The following ATG7 variants were observed in gnomAD, a reference collection of about 807,000 sequenced individuals.
ATG7 encodes ubiquitin-like modifier-activating enzyme ATG7.
A neutral mutation model predicts 82.4 loss-of-function variants in ATG7; 70 were observed. The observed-to-expected ratio is 0.85, with a 90% confidence interval of 0.70 to 1.04. The LOEUF (loss-of-function observed/expected upper bound fraction) is 1.04. Ranked by LOEUF, ATG7 falls within the 50% of genes least tolerant of loss-of-function variation. The pLI is 0.00. For synonymous variants in ATG7, 287 were observed against 313.0 expected, an observed-to-expected ratio of 0.92 and a Z score of 0.88; for missense variants, 792 against 864.3, an observed-to-expected ratio of 0.92 and a Z score of 1.05.
At chr3:11,396,560 C>T (rs928296306) in intron 19 of ATG7, among the ~76,000 whole-genome samples, 12 of 151,838 alleles carry the variant, frequency 7.9e-5, no homozygotes, top group Non-Finnish European at 1.0e-4. Context: ...GCGGATCACT[C>T]GAAGTCAGGA....
chr3:11,289,266 A>T (rs1443499754), intron 3 of ATG7, among the ~76,000 whole-genome samples: 2 of 152,218 alleles, frequency 1.3e-5, no homozygotes, highest in African/African-American at 4.8e-5. Context: ...TTAGTGACAC[A>T]TGAATAACTC....
intron 17 of ATG7, 123 bp from the exon 18 acceptor site, chr3:11,364,536 T>TA: frequency 9.3e-7 from 1 of 1,073,852 alleles, no homozygotes; most frequent in Non-Finnish European, 1.4e-6. Flanking sequence ...TTTGCTAACT[T>TA]ACACTGCCCA....
chr3:11,440,700 T>TTTTTTTTTG (rs56194256), intron 20 of ATG7, among the ~76,000 whole-genome samples: 1 of 134,278 alleles, frequency 7.4e-6, no homozygotes, highest in Non-Finnish European at 1.6e-5. Context: ...TTTTTTTTTT[T>TTTTTTTTTG]GAGACGGACT....
At chr3:11,390,689 G>A (rs2078729078) in intron 19 of ATG7, among the ~76,000 whole-genome samples, 1 of 150,686 alleles carries the variant, frequency 6.6e-6, no homozygotes, top group Non-Finnish European at 1.5e-5. Context: ...TTTTTTTCCA[G>A]AAAGTAATTT....
At chr3:11,519,754 G>A (rs557584297) in intron 20 of ATG7, among the ~76,000 whole-genome samples, 8 of 151,650 alleles carry the variant, frequency 5.3e-5, no homozygotes, top group African/African-American at 1.9e-4. Context: ...GTAGAGACGG[G>A]GTTTCACAGT....
At chr3:11,380,474 G>T (rs966789309) in intron 19 of ATG7, among the ~76,000 whole-genome samples, 4 of 152,190 alleles carry the variant, frequency 2.6e-5, no homozygotes, top group Non-Finnish European at 5.9e-5. Context: ...AAAGTAAACA[G>T]AGATTAGGGG....
In ATG7 at chr3:11,546,563, T is replaced by A. The variant is rs2071308931; in HGVS notation, c.2080-8248T>A. Among the ~76,000 whole-genome samples, 3 of 152,342 alleles carry A rather than the reference T, an allele frequency of 2.0e-5. No individual in the cohort carries two copies. In the South Asian group the frequency reaches 6.2e-4, roughly 32 times the overall value. ...ATTCCCAAGGTAATTACAGTGTTTA[T>A]AAAAGAAGAACCTTAGTTCATGGCA... On this transcript the variant is annotated intron_variant, in intron 20 of 20. Coordinates refer to ENST00000693202, the MANE Select transcript of ATG7 (RefSeq NM_001349232.2).
At chr3:11,561,928 C>A (rs1575356985), downstream of ATG7, among the ~76,000 whole-genome samples, 1 of 123,588 alleles carries the variant, frequency 8.1e-6, no homozygotes, top group Admixed American at 9.7e-5. Flanking sequence ...AAGACAAAGT[C>A]TCACTCTGTC....
chr3:11,417,800 ATT>A (rs1314378737), intron 19 of ATG7, among the ~76,000 whole-genome samples: 44,362 of 108,316 alleles, frequency 0.41, 8,468 homozygotes, highest in East Asian at 0.54. Context: ...TATTATTATT[ATT>A]TTATTTTATT....
intron 11 of ATG7, among the ~76,000 whole-genome samples, chr3:11,338,152 T>G (rs1483601377): frequency 6.6e-6 from 1 of 152,138 alleles, no homozygotes; most frequent in Non-Finnish European, 1.5e-5. Flanking sequence ...CTGTTCCCCT[T>G]TGTGTCCATG....
At chr3:11,309,209 G>C in intron 7 of ATG7, 148 bp downstream of exon 7, 2 of 818,904 alleles carry the variant, frequency 2.4e-6, no homozygotes, top group South Asian at 3.1e-5. Flanking sequence ...CATTTGATTA[G>C]TGGCCAGATA....
intron 20 of ATG7, among the ~76,000 whole-genome samples, chr3:11,449,401 T>C (rs919760956): frequency 1.3e-5 from 2 of 152,168 alleles, no homozygotes; most frequent in South Asian, 2.1e-4. Flanking sequence ...ACCCTGAGAT[T>C]TGGGGCCTGT....
At chr3:11,276,095 A>G (rs1941725708) in intron 1 of ATG7, among the ~76,000 whole-genome samples, 1 of 152,064 alleles carries the variant, frequency 6.6e-6, no homozygotes, top group South Asian at 2.1e-4. Context: ...CCCTCCCCAT[A>G]TCCTCAGGCA....
At chr3:11,497,088 T>C (rs2090890585) in intron 20 of ATG7, among the ~76,000 whole-genome samples, 2 of 151,940 alleles carry the variant, frequency 1.3e-5, no homozygotes, top group Non-Finnish European at 2.9e-5. Context: ...TCAACTCAAG[T>C]GATCCGCTTG....
intron 20 of ATG7, among the ~76,000 whole-genome samples, chr3:11,451,902 GACAC>G (rs750720833): frequency 2.4e-5 from 3 of 127,058 alleles, no homozygotes; most frequent in African/African-American, 8.9e-5. Flanking sequence ...CACACACACA[GACAC>G]ACACACACAC....
At chr3:11,371,726 A>C (rs1384297267) in intron 18 of ATG7, among the ~76,000 whole-genome samples, 1 of 151,178 alleles carries the variant, frequency 6.6e-6, no homozygotes, top group East Asian at 1.9e-4. Flanking sequence ...TCTTGATAGC[A>C]TCACCTGGGA....
chr3:11,559,421 C>A, downstream of ATG7: 1 of 1,564,910 alleles, frequency 6.4e-7, no homozygotes, highest in African/African-American at 1.4e-5. Context: ...GTTGCGGGCG[C>A]CAGCCGAGGC....
At chr3:11,397,374 TCAC>T (rs1239175445) in intron 19 of ATG7, among the ~76,000 whole-genome samples, 2 of 20,674 alleles carry the variant, frequency 9.7e-5, no homozygotes, top group African/African-American at 4.2e-4. Flanking sequence ...TGGTTTTAAT[TCAC>T]CAGGTAGAAT....
chr3:11,475,193 T>C (rs1161008639), intron 20 of ATG7, among the ~76,000 whole-genome samples: 2 of 152,138 alleles, frequency 1.3e-5, no homozygotes, highest in Admixed American at 6.5e-5. Context: ...CTCCTAAAGC[T>C]AATGATGTGT....
Sources: allele counts gnomAD v4.1 joint callset (sites outside exome capture counted in the v4.1 genomes callset), GRCh38; gene constraint gnomAD v4.1.1; transcripts MANE v1.5; gene names NCBI Gene and HGNC (gene_info 2026-07-23, HGNC 2026-07-21).